The following CCAR1 variants were observed in gnomAD, a reference collection of about 807,000 sequenced individuals.
The protein encoded by CCAR1 is cell division cycle and apoptosis regulator 1.
Under a neutral mutation model 163.8 loss-of-function variants are expected in CCAR1, and 78 were observed. The ratio of observed to expected loss-of-function variants is 0.48; its 90% confidence interval spans 0.40 to 0.57. CCAR1 has a LOEUF of 0.57. Among genes scored for constraint, CCAR1 ranks in the 20% least tolerant of loss-of-function variants. The probability of loss-of-function intolerance (pLI) is 0.00; values close to 1 mark genes in which losing one functional copy is unlikely to be tolerated. For synonymous variants in CCAR1, 443 were observed against 460.7 expected, an observed-to-expected ratio of 0.96 and a Z score of 0.49; for missense variants, 1,019 against 1,365.2, an observed-to-expected ratio of 0.75 and a Z score of 4.00.
Position 68,755,433 on chromosome 10 carries a change from T to C in CCAR1, c.1522T>C (p.Leu508=), listed in dbSNP as rs773821404. ...MAIGGHWSPS[L]DGPDPEKDPS... ...CATTGGAGGCCACTGGTCTCCTTCGTTGGATGGACCAGACCCAGAAAAAGA... is the reference window on the plus strand; with the variant it reads ...CATTGGAGGCCACTGGTCTCCTTCGCTGGATGGACCAGACCCAGAAAAAGA... The change falls in exon 13 of 25, where the codon TTG becomes CTG. Residue 508 remains leucine (L), a synonymous_variant. Transcript: ENST00000265872. The C allele has an allele frequency of 1.8e-5, 29 of 1,614,114 alleles. No homozygotes were observed. Among genetic ancestry groups the C allele is most frequent in the Non-Finnish European group, 2.4e-5 (28 of 1,179,926 alleles).
rs552872164 is a variant in CCAR1, at chr10:68,791,410, G to A, written c.*144G>A. The stretch of plus-strand genomic sequence containing the variant: ...AAATGATGTATAAAGTTTTATGAAT[G>A]TGAGTTTCTGCTTTTGAAAATTGCT... On this transcript the variant is annotated 3_prime_UTR_variant, in exon 25 of 25. Coordinates refer to ENST00000265872, the MANE Select transcript of CCAR1 (RefSeq NM_018237.4). The A allele has an allele frequency of 1.7e-5, 8 of 482,864 alleles. No individual in the cohort carries two copies. Among genetic ancestry groups the A allele is most frequent in the African/African-American group, 1.2e-4 (6 of 49,390 alleles). The allele number at this position is 482,864 out of a possible 1,614,324, so 29.9% of individuals were successfully genotyped here.
Position 68,747,187 on chromosome 10 carries a change from T to C in CCAR1, c.545T>C (p.Val182Ala). ...GCTGTCAAAGGGAAAACCCCCCAAGTAGGTGACAGAGTATTGGTTGAAGCT... is the reference window on the plus strand; with the variant it reads ...GCTGTCAAAGGGAAAACCCCCCAAGCAGGTGACAGAGTATTGGTTGAAGCT... ...LSAVKGKTPQ[V>A]GDRVLVEATY... The change falls in exon 7 of 25, where the codon GTA becomes GCA. Residue 182 changes from valine (V) to alanine (A), a missense_variant. Val to Ala is a moderately conservative substitution (Grantham distance 64). Around this residue, in one of 4 missense-constraint regions of CCAR1, gnomAD observed 644 missense variants for 904.4 expected, o/e 0.71. Transcript: ENST00000265872. 10 of 1,601,380 alleles carry C rather than the reference T, an allele frequency of 6.2e-6. No homozygotes were observed. The highest frequency in any genetic ancestry group is 8.5e-6 in the Non-Finnish European group (10 of 1,174,798).
chr10:68,781,720 T>A (rs1409504546), intron 19 of CCAR1, among the ~76,000 whole-genome samples: 1 of 151,942 alleles, frequency 6.6e-6, no homozygotes. Context: ...TGTGGTTACA[T>A]GCCCCTGTGG....
chr10:68,741,392 C>T lies in CCAR1; in HGVS notation c.324+731C>T, dbSNP rs541458230. 3.1e-4 allele frequency among the ~76,000 whole-genome samples: 47 copies of T among 152,206 alleles called. No individual in the cohort carries two copies. In the South Asian group the frequency reaches 9.1e-3, roughly 30 times the overall value. ...AGTTTTGAACTTTTCATATGTAGTG[C>T]TACCTTAGGCTTTACAGACTATTTA... On this transcript the variant is annotated intron_variant, in intron 5 of 24. Transcript: ENST00000265872.
At chr10:68,748,485 CTTTTTT>C (rs768641201) in intron 8 of CCAR1, among the ~76,000 whole-genome samples, 1 of 117,828 alleles carries the variant, frequency 8.5e-6, no homozygotes, top group Non-Finnish European at 1.8e-5. Context: ...GTGACATGTT[CTTTTTT>C]TTTTTTTTTT....
At chr10:68,721,597 G>GC (rs974038042) in intron 1 of CCAR1, 4 of 448,194 alleles carry the variant, frequency 8.9e-6, no homozygotes, top group African/African-American at 2.1e-5. Flanking sequence ...TACCCTCCTG[G>GC]CCCCCCGGCC....
At chr10:68,778,170 T>C (rs983264626) in intron 19 of CCAR1, among the ~76,000 whole-genome samples, 2 of 152,132 alleles carry the variant, frequency 1.3e-5, no homozygotes, top group African/African-American at 4.8e-5. Context: ...GAGCCGAGAT[T>C]GTGCCACTAC....
intron 4 of CCAR1, 152 bp from the exon 5 acceptor site, chr10:68,740,477 C>A: frequency 1.6e-6 from 1 of 637,258 alleles, no homozygotes; most frequent in South Asian, 2.1e-5. Flanking sequence ...TCAAGACTAC[C>A]CTGGGCAACA....
intron 19 of CCAR1, chr10:68,774,930 C>A (rs144078750): frequency 2.7e-6 from 1 of 372,324 alleles, no homozygotes; most frequent in East Asian, 9.7e-5. Flanking sequence ...TATAAGAGTT[C>A]TTTTTGTTTT....
intron 19 of CCAR1, among the ~76,000 whole-genome samples, chr10:68,776,862 A>C (rs922866707): frequency 6.6e-6 from 1 of 152,150 alleles, no homozygotes; most frequent in Non-Finnish European, 1.5e-5. Context: ...ATCTCATATC[A>C]GACTTCTCTC....
At chr10:68,755,329 G>GAATT in intron 12 of CCAR1, 41 bp from the exon 13 acceptor site, 1 of 1,534,580 alleles carries the variant, frequency 6.5e-7, no homozygotes, top group Non-Finnish European at 9.0e-7. Context: ...TAATTTGACA[G>GAATT]GGTGCGTAAT....
At chr10:68,786,817 G>A in intron 21 of CCAR1, 125 bp downstream of exon 21, 1 of 756,492 alleles carries the variant, frequency 1.3e-6, no homozygotes, top group Non-Finnish European at 2.1e-6. Flanking sequence ...AGGCGTGGTG[G>A]CTCACACCTA....
At chr10:68,764,431 C>T (rs939305539) in intron 16 of CCAR1, among the ~76,000 whole-genome samples, 6 of 151,944 alleles carry the variant, frequency 3.9e-5, no homozygotes, top group Non-Finnish European at 8.8e-5. Flanking sequence ...GCTGTAGTCT[C>T]AGCTACTGGG....
intron 15 of CCAR1, among the ~76,000 whole-genome samples, chr10:68,757,671 C>T (rs1295283849): frequency 6.6e-6 from 1 of 152,172 alleles, no homozygotes; most frequent in Non-Finnish European, 1.5e-5. Flanking sequence ...CTGCCTCAGT[C>T]TCCCAAAGTG....
At chr10:68,774,112 G>A (rs975072205) in intron 19 of CCAR1, among the ~76,000 whole-genome samples, 3 of 151,718 alleles carry the variant, frequency 2.0e-5, no homozygotes, top group Admixed American at 6.6e-5. Flanking sequence ...GGCTGGTCTC[G>A]AACTCCCCAC....
chr10:68,727,879 C>A (rs996833209), intron 2 of CCAR1, among the ~76,000 whole-genome samples: 2 of 152,166 alleles, frequency 1.3e-5, no homozygotes, highest in African/African-American at 4.8e-5. Flanking sequence ...TCTCACTCTG[C>A]CTAGGCTGGA....
chr10:68,725,744 C>T (rs12265181), intron 2 of CCAR1, among the ~76,000 whole-genome samples: 4,711 of 152,168 alleles, frequency 0.031, 174 homozygotes, highest in African/African-American at 0.086. Context: ...AGGTCAATTT[C>T]GGAGACACTG....
intron 2 of CCAR1, among the ~76,000 whole-genome samples, chr10:68,736,077 T>A (rs983360338): frequency 6.6e-6 from 1 of 152,156 alleles, no homozygotes. Flanking sequence ...GGTCTCGAAC[T>A]CTTGACCTCA....
At chr10:68,787,792 A>G in intron 21 of CCAR1, 135 bp from the exon 22 acceptor site, 1 of 732,630 alleles carries the variant, frequency 1.4e-6, no homozygotes, top group Non-Finnish European at 2.2e-6. Context: ...TCGAGATCAC[A>G]CCACTGCACT....
Sources: allele counts gnomAD v4.1 joint callset (sites outside exome capture counted in the v4.1 genomes callset), GRCh38; gene constraint gnomAD v4.1.1; regional missense constraint gnomAD v4.1.1; transcripts MANE v1.5; gene names NCBI Gene and HGNC (gene_info 2026-07-23, HGNC 2026-07-21).